The following POC1B variants were observed in gnomAD, a reference collection of about 807,000 sequenced individuals.
The protein encoded by POC1B is POC1 centriolar protein homolog B.
Under a neutral mutation model 60.6 loss-of-function variants are expected in POC1B, and 44 were observed. The ratio of observed to expected loss-of-function variants is 0.73; its 90% CI spans 0.57 to 0.93. The LOEUF (loss-of-function observed/expected upper bound fraction) is 0.93, where lower values mean the gene tolerates loss of function less well. Among genes scored for constraint, POC1B ranks in the 40% least tolerant of loss-of-function variants. The probability of loss-of-function intolerance (pLI) is 0.00; values close to 1 mark genes in which losing one functional copy is unlikely to be tolerated. For synonymous variants in POC1B, 180 were observed against 198.9 expected, an observed-to-expected ratio of 0.90 and a Z score of 0.80; for missense variants, 555 against 572.3, an observed-to-expected ratio of 0.97 and a Z score of 0.31.
At chr12:89,512,232 A>G (rs754554994) in intron 2 of POC1B, among the ~76,000 whole-genome samples, 21 of 152,244 alleles carry the variant, frequency 1.4e-4, no homozygotes, top group Non-Finnish European at 2.5e-4. Flanking sequence ...TTTGCCTTGA[A>G]TGAGGAAATA....
chr12:89,492,014 G>A lies in POC1B; in HGVS notation c.374C>T (p.Ser125Phe). 6.2e-7 allele frequency: 1 copy of A among 1,609,378 alleles called. No individual in the cohort carries two copies. Among genetic ancestry groups the A allele is most frequent in the Non-Finnish European group, 8.5e-7 (1 of 1,178,420 alleles). Reference sequence around the variant, plus strand: ...GCGATACATGCTCCATACTTTTATGGATTTGTCTTCAGAAGCTGTAGCTAG... The same window carrying A: ...GCGATACATGCTCCATACTTTTATGAATTTGTCTTCAGAAGCTGTAGCTAG... ...QFLATASEDK[S>F]IKVWSMYRQR... The change falls in exon 4 of 12, where the codon TCC (serine) becomes TTC (phenylalanine). Residue 125 changes from serine (S) to phenylalanine (F), a missense_variant. Ser to Phe is a radical substitution (Grantham distance 155). Coordinates refer to ENST00000313546, the MANE Select transcript of POC1B (RefSeq NM_172240.3).
At chr12:89,437,400 T>TGA (rs1467199580) in intron 10 of POC1B, among the ~76,000 whole-genome samples, 2 of 152,220 alleles carry the variant, frequency 1.3e-5, no homozygotes, top group African/African-American at 4.8e-5. Flanking sequence ...CATGCAATGC[T>TGA]GAGGCAAACC....
intron 4 of POC1B, among the ~76,000 whole-genome samples, chr12:89,478,533 G>A (rs1380811333): frequency 1.3e-5 from 2 of 152,028 alleles, no homozygotes; most frequent in African/African-American, 2.4e-5. Flanking sequence ...CACAGTGCCT[G>A]GCACTGAGTA....
At chr12:89,522,050 C>G (rs1870927422) in intron 2 of POC1B, 2 of 398,862 alleles carry the variant, frequency 5.0e-6, no homozygotes, top group African/African-American at 4.1e-5. Context: ...TCAGAAAATG[C>G]CCTACACACA....
chr12:89,524,897 G>C, intron 2 of POC1B: 2 of 723,290 alleles, frequency 2.8e-6, no homozygotes, highest in Non-Finnish European at 4.4e-6. Flanking sequence ...GCCAGGCCCA[G>C]ACCGCTGGAT....
chr12:89,501,138 G>A (rs1026095844), intron 2 of POC1B: 2 of 1,390,108 alleles, frequency 1.4e-6, no homozygotes, highest in Non-Finnish European at 2.0e-6. Flanking sequence ...AAGATAGAAA[G>A]TCAAGAGAAA....
chr12:89,434,287 G>A (rs1196530423), intron 10 of POC1B, among the ~76,000 whole-genome samples: 1 of 152,144 alleles, frequency 6.6e-6, no homozygotes, highest in African/African-American at 2.4e-5. Flanking sequence ...ATTTTTATCA[G>A]AAGACTTGAA....
At chr12:89,441,554 C>G (rs969118945) in intron 10 of POC1B, among the ~76,000 whole-genome samples, 1 of 152,194 alleles carries the variant, frequency 6.6e-6, no homozygotes, top group Non-Finnish European at 1.5e-5. Flanking sequence ...GCTGAGGGTC[C>G]TGACTGTTAG....
intron 10 of POC1B, among the ~76,000 whole-genome samples, chr12:89,437,102 C>T (rs980922057): frequency 1.3e-5 from 2 of 152,144 alleles, no homozygotes; most frequent in African/African-American, 2.4e-5. Flanking sequence ...TCTCTTCATC[C>T]CCTATGCTAC....
At chr12:89,423,387 C>T (rs1880625138) in intron 11 of POC1B, among the ~76,000 whole-genome samples, 2 of 152,162 alleles carry the variant, frequency 1.3e-5, no homozygotes, top group Non-Finnish European at 2.9e-5. Context: ...ATCCTTCTGC[C>T]TCGGCTGCCC....
At chr12:89,517,763 A>T (rs1470380165) in intron 2 of POC1B, among the ~76,000 whole-genome samples, 2 of 152,244 alleles carry the variant, frequency 1.3e-5, no homozygotes, top group African/African-American at 4.8e-5. Context: ...CCACTGGACC[A>T]TGAACTCTTC....
At position 89,468,887 on chromosome 12, in the gene POC1B, CAA is replaced by C. The variant is rs34619938; in HGVS notation, c.811-1204_811-1203del. 5.3e-4 allele frequency among the ~76,000 whole-genome samples: 80 copies of C among 149,602 alleles called. 1 individual carries two copies. The highest frequency in any genetic ancestry group is 1.9e-3 in the African/African-American group (76 of 40,874). On this transcript the variant is annotated intron_variant, in intron 7 of 11. Transcript: ENST00000313546. ...TTATACTTGTTAAAAGGAAGTACCT[CAA>C]AAAAAAAAAGAGGATGCATTCTAAA... is the stretch of plus-strand genomic sequence containing the variant.
chr12:89,506,263 A>C (rs1055437717), intron 2 of POC1B, among the ~76,000 whole-genome samples: 4 of 152,074 alleles, frequency 2.6e-5, no homozygotes, highest in African/African-American at 9.7e-5. Context: ...AAGTTATTCC[A>C]CCTCTCTGTG....
At position 89,421,128 on chromosome 12, in the gene POC1B, C is replaced by T. The variant is rs371697632; in HGVS notation, c.*25G>A. 365 of 1,543,634 alleles carry T rather than the reference C, an allele frequency of 2.4e-4. No homozygotes were observed. In the African/African-American group the frequency reaches 4.8e-3, roughly 20 times the overall value. Reference sequence around the variant, plus strand: ...TTTGTTCATTTATTGGGCCTCTGCCCAACAAATGAAAATGAATTTTTTATT... The same window carrying T: ...TTTGTTCATTTATTGGGCCTCTGCCTAACAAATGAAAATGAATTTTTTATT... On this transcript the variant is annotated 3_prime_UTR_variant, in exon 12 of 12. Transcript: ENST00000313546.
chr12:89,408,841 T>C, the POC1B span, among the ~76,000 whole-genome samples: 1 of 152,226 alleles, frequency 6.6e-6, no homozygotes, highest in Non-Finnish European at 1.5e-5. Flanking sequence ...TGGTATCTTA[T>C]TGCGGTTTTG....
At chr12:89,525,551 C>T (rs920222512) in intron 1 of POC1B, 5 of 1,132,690 alleles carry the variant, frequency 4.4e-6, no homozygotes, top group Non-Finnish European at 4.4e-6. Flanking sequence ...GGCTTTGGTA[C>T]TTTTTTTTTT....
intron 2 of POC1B, chr12:89,500,368 G>T (rs1408143029): frequency 7.3e-6 from 11 of 1,501,688 alleles, no homozygotes; most frequent in South Asian, 2.3e-5. Context: ...CTTCAAGGAA[G>T]AAAGAAGCCT....
the POC1B span, among the ~76,000 whole-genome samples, chr12:89,403,441 T>C: frequency 1.1e-4 from 17 of 152,252 alleles, no homozygotes; most frequent in East Asian, 2.9e-3. Context: ...GAGTTTGAAA[T>C]TTTTTATGGT....
chr12:89,431,614 G>A lies in POC1B; in HGVS notation c.1114-6235C>T, dbSNP rs1256993362. Among the ~76,000 whole-genome samples the A allele has an allele frequency of 3.9e-5, 6 of 152,270 alleles. No homozygotes were observed. The East Asian group carries it at 1.2e-3, about 29-fold the overall frequency. On this transcript the variant is annotated intron_variant, in intron 10 of 11. Transcript: ENST00000313546. ...AATGATAAAATTTAGAGTAGGGATT[G>A]GAAACTTCAATAATCTCTACATAAG...
Sources: allele counts gnomAD v4.1 joint callset (sites outside exome capture counted in the v4.1 genomes callset), GRCh38; gene constraint gnomAD v4.1.1; transcripts MANE v1.5; gene names NCBI Gene and HGNC (gene_info 2026-07-23, HGNC 2026-07-21).